OSBP2: variants seen among roughly 807,000 people sequenced by gnomAD.
The protein encoded by OSBP2 is oxysterol-binding protein 2.
Under a neutral mutation model 96.0 loss-of-function variants are expected in OSBP2, and 66 were observed. The observed-to-expected ratio is 0.69, with a 90% CI of 0.56 to 0.84. OSBP2 has a LOEUF of 0.84. Among genes scored for constraint, OSBP2 ranks in the 40% least tolerant of loss-of-function variants. The pLI is 0.00. For synonymous variants in OSBP2, 525 were observed against 520.9 expected (o/e 1.01, Z -0.11); for missense variants, 1,038 against 1,222.7 (o/e 0.85, Z 2.25).
rs1457164818 is a variant in OSBP2, at chr22:30,870,125, A to G, written c.854-304A>G. ...ACAATGTAGGGAGCTGGCGCCCTGC[A>G]TGCAGGTGGGTGCCTGTAGGCCTGC... On this transcript the variant is annotated intron_variant, in intron 2 of 13. Coordinates refer to ENST00000332585, the MANE Select transcript of OSBP2 (RefSeq NM_030758.4). The surrounding 1 kb of genome is among the most constrained non-coding windows in gnomAD (Gnocchi z 4.1). Among the ~76,000 whole-genome samples, 2 of 152,206 alleles carry G rather than the reference A, an allele frequency of 1.3e-5. No homozygotes were observed. The highest frequency in any genetic ancestry group is 2.4e-5 in the African/African-American group (1 of 41,458).
intron 3 of OSBP2, 68 bp from the exon 4 acceptor site, chr22:30,887,358 C>T (rs968962334): frequency 7.9e-6 from 11 of 1,396,312 alleles, no homozygotes; most frequent in African/African-American, 4.2e-5. Context: ...TGCTCTGGTT[C>T]ACATGCCTCT....
intron 2 of OSBP2, among the ~76,000 whole-genome samples, chr22:30,847,238 A>T (rs886417681): frequency 6.6e-6 from 1 of 151,808 alleles, no homozygotes. Flanking sequence ...TCGGCCTCCC[A>T]AAGTGCTGGA....
intron 2 of OSBP2, among the ~76,000 whole-genome samples, chr22:30,846,929 T>C (rs749320123): frequency 6.6e-6 from 1 of 152,108 alleles, no homozygotes; most frequent in Non-Finnish European, 1.5e-5. Context: ...TTGGTTTAGG[T>C]CCTTGGTCTG....
intron 6 of OSBP2, 49 bp from the exon 7 acceptor site, chr22:30,889,441 G>A (rs772534973): frequency 1.9e-6 from 3 of 1,608,776 alleles, no homozygotes; most frequent in Non-Finnish European, 2.6e-6. Context: ...AAGCCAAGGG[G>A]GCGCTCTGGC....
intron 3 of OSBP2, among the ~76,000 whole-genome samples, chr22:30,878,089 G>A (rs560787743): frequency 8.5e-5 from 13 of 152,212 alleles, no homozygotes; most frequent in African/African-American, 1.4e-4. Flanking sequence ...CCTGGAGTGC[G>A]CACTGGGAGC....
At chr22:30,752,287 G>GTTT (rs2090085248) in intron 2 of OSBP2, among the ~76,000 whole-genome samples, 1 of 78,954 alleles carries the variant, frequency 1.3e-5, no homozygotes, top group Non-Finnish European at 2.5e-5. Context: ...TCTTTGCTTT[G>GTTT]CTTTTTTTTT....
At chr22:30,727,997 C>G (rs139129417) in intron 1 of OSBP2, among the ~76,000 whole-genome samples, 1 of 151,380 alleles carries the variant, frequency 6.6e-6, no homozygotes, top group African/African-American at 2.4e-5. Flanking sequence ...CCTAGCTACT[C>G]GGGAGGCTGA....
rs761811603 is a variant in OSBP2, at chr22:30,881,814, C to T, written c.1108-5612C>T. On this transcript the variant is annotated intron_variant, in intron 3 of 13. Transcript: ENST00000332585. This position sits in a 1 kb window ranked among gnomAD's most constrained non-coding sequence, Gnocchi z 4.5. ...GGGATGGACACCAGGTGGGTGCATC[C>T]GGGCTGGGGGAGGTGGACGGGCTCT... 32 of 1,303,862 alleles carry T rather than the reference C, an allele frequency of 2.5e-5. No homozygotes were observed. Among genetic ancestry groups the T allele is most frequent in the East Asian group, 5.5e-5 (1 of 18,036 alleles). 80.8% of individuals were successfully genotyped at this position (1,303,862 alleles called of 1,614,324 possible). A position where few individuals can be genotyped will look rare whatever the true frequency, so the allele number is the denominator to read the frequency against.
intron 2 of OSBP2, among the ~76,000 whole-genome samples, chr22:30,829,267 G>A (rs1478760606): frequency 6.6e-6 from 1 of 152,158 alleles, no homozygotes; most frequent in African/African-American, 2.4e-5. Context: ...TCTTCCTCAA[G>A]ACCCTTTACC....
chr22:30,784,306 T>G (rs900654200), intron 2 of OSBP2, among the ~76,000 whole-genome samples: 1 of 152,066 alleles, frequency 6.6e-6, no homozygotes, highest in Non-Finnish European at 1.5e-5. Flanking sequence ...CAAGTTGGAG[T>G]GCAGTGGCAT....
intron 1 of OSBP2, among the ~76,000 whole-genome samples, chr22:30,738,221 C>G (rs2089884625): frequency 6.6e-6 from 1 of 152,062 alleles, no homozygotes; most frequent in Admixed American, 6.6e-5. Context: ...AACTGCCCCT[C>G]ACCTGGTGGT....
chr22:30,882,304 C>T (rs908628928), intron 3 of OSBP2, among the ~76,000 whole-genome samples: 11 of 152,198 alleles, frequency 7.2e-5, no homozygotes, highest in African/African-American at 2.7e-4. Flanking sequence ...CCACAACATC[C>T]CTGCCCTCAA....
At chr22:30,815,009 C>T (rs373475762) in intron 2 of OSBP2, among the ~76,000 whole-genome samples, 2 of 151,880 alleles carry the variant, frequency 1.3e-5, no homozygotes, top group African/African-American at 2.4e-5. Flanking sequence ...GGGCCGGGCA[C>T]GGTGGCTCAC....
chr22:30,743,842 G>T (rs557975978), intron 2 of OSBP2, among the ~76,000 whole-genome samples: 1 of 152,276 alleles, frequency 6.6e-6, no homozygotes, highest in East Asian at 1.9e-4. Flanking sequence ...GGAGGTGAGG[G>T]CGGGGAGGAA....
chr22:30,759,854 T>G (rs2090185689), intron 2 of OSBP2, among the ~76,000 whole-genome samples: 1 of 152,164 alleles, frequency 6.6e-6, no homozygotes, highest in Admixed American at 6.5e-5. Context: ...TTTTCTTTTT[T>G]AATTTTTCTT....
rs527717700 is a variant in OSBP2 at position 30,724,147 on chromosome 22, G to A, written c.645-17014G>A. On this transcript the variant is annotated intron_variant, in intron 1 of 13. Transcript: ENST00000332585. Reference sequence around the variant, plus strand: ...TAGTTGGAATCACACAGTATATACAGTATTTAGCCTTTTTGGATTGGCTTT... The same window carrying A: ...TAGTTGGAATCACACAGTATATACAATATTTAGCCTTTTTGGATTGGCTTT... Among the ~76,000 whole-genome samples, 5 of 152,314 alleles carry A rather than the reference G, an allele frequency of 3.3e-5. No individual in the cohort carries two copies. In the South Asian group the frequency reaches 6.2e-4, roughly 19 times the overall value.
At chr22:30,720,418 GCCTCAGTTCCTCA>G (rs1383923703) in intron 1 of OSBP2, among the ~76,000 whole-genome samples, 2 of 152,130 alleles carry the variant, frequency 1.3e-5, no homozygotes, top group African/African-American at 4.8e-5. Flanking sequence ...TTGGCAGGAG[GCCTCAGTTCCTCA>G]CCCTGTGGAT....
At chr22:30,900,019 G>A (rs927612181) in intron 12 of OSBP2, among the ~76,000 whole-genome samples, 1 of 152,176 alleles carries the variant, frequency 6.6e-6, no homozygotes, top group Non-Finnish European at 1.5e-5. Context: ...AGCACTTTGG[G>A]AAGCCAAGGC....
chr22:30,707,491 G>A (rs1314871561), intron 1 of OSBP2, among the ~76,000 whole-genome samples: 1 of 151,676 alleles, frequency 6.6e-6, no homozygotes, highest in Non-Finnish European at 1.5e-5. Flanking sequence ...GAGGCGGGCG[G>A]ATCACGAGGT....
Sources: gnomAD v4.1 joint callset for allele counts (sites outside exome capture counted in the v4.1 genomes callset) on GRCh38, gnomAD v4.1.1 for gene constraint, Gnocchi (gnomAD v3.1) non-coding constraint, MANE v1.5 for transcripts, NCBI Gene and HGNC (gene_info 2026-07-23, HGNC 2026-07-21) for gene names.